The following AFF3 variants were observed in gnomAD, a reference collection of about 807,000 sequenced individuals.
AFF3 encodes ALF transcription elongation factor 3.
A neutral mutation model predicts 129.7 loss-of-function variants in AFF3; 32 were observed. The observed-to-expected ratio is 0.25, with a 90% confidence interval of 0.19 to 0.33. The LOEUF is 0.33. Ranked by LOEUF, AFF3 falls within the 10% of genes least tolerant of loss-of-function variation. The pLI is 1.00. For missense variants in AFF3, 1,373 were observed against 1,592.0 expected (o/e 0.86, Z 2.34); for synonymous variants, 644 against 635.4 (o/e 1.01, Z -0.20).
rs61344821 is a variant in AFF3, at chr2:99,940,800, T to C, written c.873+65832A>G. The stretch of plus-strand genomic sequence containing the variant: ...GACTCACCCTGAATTCTTTCTTGCA[T>C]GAGATCCGAGAACCCTCTCCTGGCA... On this transcript the variant is annotated intron_variant, in intron 7 of 24. Transcript: ENST00000672756. Among the ~76,000 whole-genome samples, 56 of 152,342 alleles carry C rather than the reference T, an allele frequency of 3.7e-4. 2 individuals carry two copies. The East Asian group carries it at 9.8e-3, about 27-fold the overall frequency.
chr2:100,082,533 G>C (rs1330553695), intron 4 of AFF3, among the ~76,000 whole-genome samples: 1 of 152,212 alleles, frequency 6.6e-6, no homozygotes, highest in Non-Finnish European at 1.5e-5. Flanking sequence ...TGTGTAGCCA[G>C]ACTATATTAA....
At chr2:99,618,350 C>T (rs1195140486) in intron 13 of AFF3, among the ~76,000 whole-genome samples, 3 of 147,598 alleles carry the variant, frequency 2.0e-5, no homozygotes, top group Non-Finnish European at 4.4e-5. Flanking sequence ...ATTCTCCTTC[C>T]TCAGCTTCCT....
chr2:99,595,038 CAGGTTGGCTCTGTGGTTG>C (rs1488680391), intron 14 of AFF3, among the ~76,000 whole-genome samples: 2 of 152,196 alleles, frequency 1.3e-5, no homozygotes, highest in African/African-American at 4.8e-5. Flanking sequence ...TGTGGCCCCA[CAGGTTGGCTCTGTGGTTG>C]AGGGTGGGGG....
chr2:99,866,695 G>T (rs949403057), intron 7 of AFF3, among the ~76,000 whole-genome samples: 1 of 151,966 alleles, frequency 6.6e-6, no homozygotes, highest in Non-Finnish European at 1.5e-5. Flanking sequence ...AAGCACTGGC[G>T]GTCGGGCGTG....
intron 7 of AFF3, among the ~76,000 whole-genome samples, chr2:99,957,961 G>C (rs533143745): frequency 6.6e-6 from 1 of 152,150 alleles, no homozygotes; most frequent in African/African-American, 2.4e-5. Context: ...CTTTGCCACA[G>C]TAATTAAAAC....
intron 8 of AFF3, among the ~76,000 whole-genome samples, chr2:99,833,145 G>T (rs1364440966): frequency 6.6e-6 from 1 of 152,178 alleles, no homozygotes; most frequent in Non-Finnish European, 1.5e-5. Context: ...ACCATCCGGG[G>T]TCTGTACATG....
At chr2:99,778,637 T>C (rs1448150297) in intron 8 of AFF3, among the ~76,000 whole-genome samples, 1 of 151,888 alleles carries the variant, frequency 6.6e-6, no homozygotes, top group Non-Finnish European at 1.5e-5. Context: ...TTTTTCTACT[T>C]TTTTAAGTTT....
intron 13 of AFF3, among the ~76,000 whole-genome samples, chr2:99,644,558 G>A (rs1462341955): frequency 6.6e-6 from 1 of 152,238 alleles, no homozygotes; most frequent in African/African-American, 2.4e-5. Context: ...CTCTGAGACA[G>A]ATGGAAGCAG....
intron 8 of AFF3, among the ~76,000 whole-genome samples, chr2:99,785,894 C>T (rs1467526065): frequency 3.3e-5 from 5 of 152,134 alleles, no homozygotes; most frequent in Admixed American, 1.3e-4. Context: ...ATTACAGGCA[C>T]GTGTCACCAT....
chr2:99,669,477 A>G (rs921655898), intron 12 of AFF3, among the ~76,000 whole-genome samples: 1 of 152,208 alleles, frequency 6.6e-6, no homozygotes, highest in African/African-American at 2.4e-5. Flanking sequence ...GTACATGCCG[A>G]ATAATTCCAT....
intron 20 of AFF3, 27 bp from the exon 21 acceptor site, chr2:99,560,463 G>A (rs1675367313): frequency 1.3e-6 from 2 of 1,597,602 alleles, no homozygotes; most frequent in South Asian, 2.3e-5. Context: ...AGGAGGAATA[G>A]AATAAAAAAC....
chr2:99,968,341 T>C (rs964022780), intron 7 of AFF3, among the ~76,000 whole-genome samples: 1 of 152,190 alleles, frequency 6.6e-6, no homozygotes, highest in Non-Finnish European at 1.5e-5. Context: ...CTCTCAACCA[T>C]GTATTTTCTT....
chr2:100,132,228 A>G (rs1040292565), intron 1 of AFF3, among the ~76,000 whole-genome samples: 3 of 152,238 alleles, frequency 2.0e-5, no homozygotes, highest in African/African-American at 7.2e-5. Flanking sequence ...CTTAGAGAGT[A>G]GATTCCAAGT....
intron 8 of AFF3, among the ~76,000 whole-genome samples, chr2:99,806,866 G>T (rs1686395558): frequency 6.6e-6 from 1 of 152,120 alleles, no homozygotes; most frequent in Non-Finnish European, 1.5e-5. Context: ...ATACATTTGT[G>T]TGTTTTGGTT....
chr2:100,075,584 T>A (rs947526399), intron 4 of AFF3, among the ~76,000 whole-genome samples: 2 of 151,974 alleles, frequency 1.3e-5, no homozygotes, highest in African/African-American at 4.8e-5. Context: ...ACCAGAATAA[T>A]CCCATTTCTA....
At position 99,548,509 on chromosome 2, in the gene AFF3, A is replaced by G; in HGVS notation, c.*2965T>C. 5.1e-6 allele frequency: 1 copy of G among 197,246 alleles called. No individual in the cohort carries two copies. The highest frequency in any genetic ancestry group is 1.1e-5 in the Non-Finnish European group (1 of 95,070). The allele number at this position is 197,246 out of a possible 1,614,324, so 12.2% of individuals were successfully genotyped here. A position where few individuals can be genotyped will look rare whatever the true frequency, so the allele number is the denominator to read the frequency against. ...TCATGCACTTTGGGAGGCCGAGGCC[A>G]AAGGATCGCTTGAGCCCAGGAGTTT... On this transcript the variant is annotated 3_prime_UTR_variant, in exon 25 of 25. Coordinates refer to ENST00000672756, the MANE Select transcript of AFF3 (RefSeq NM_001386135.1).
intron 7 of AFF3, among the ~76,000 whole-genome samples, chr2:99,948,345 C>T (rs1056772341): frequency 3.9e-5 from 6 of 152,164 alleles, no homozygotes; most frequent in African/African-American, 1.4e-4. Flanking sequence ...AAGACTCCTA[C>T]CCTTAACACA....
intron 7 of AFF3, among the ~76,000 whole-genome samples, chr2:99,938,590 G>C (rs1010183393): frequency 3.3e-5 from 5 of 152,162 alleles, no homozygotes; most frequent in African/African-American, 1.2e-4. Flanking sequence ...AGTAGGCTTT[G>C]AGTAAAGCAG....
chr2:99,700,669 C>T (rs1676762112), intron 11 of AFF3, among the ~76,000 whole-genome samples: 1 of 152,208 alleles, frequency 6.6e-6, no homozygotes, highest in Non-Finnish European at 1.5e-5. Context: ...GAACAGAACA[C>T]ATGGCAGAGA....
Sources: allele counts gnomAD v4.1 joint callset (sites outside exome capture counted in the v4.1 genomes callset), GRCh38; gene constraint gnomAD v4.1.1; transcripts MANE v1.5; gene names NCBI Gene and HGNC (gene_info 2026-07-23, HGNC 2026-07-21).